The following NUDT16L1 variants were observed in gnomAD, a reference collection of about 807,000 sequenced individuals.
NUDT16L1 encodes nudix hydrolase 16 like 1.
Under a neutral mutation model 17.3 loss-of-function variants are expected in NUDT16L1, and 19 were observed. That is an observed-to-expected ratio of 1.10 (90% CI 0.77 to 1.61). NUDT16L1 has a LOEUF of 1.61. NUDT16L1 is among the 40% of genes most tolerant of loss of function. The pLI is 0.00. For missense variants in NUDT16L1, 341 were observed against 292.0 expected (o/e 1.17, Z -1.22); for synonymous variants, 255 against 138.6 (o/e 1.84, Z -5.90).
chr16:4,695,609 T>C (rs2079524537), exon 3 of NUDT16L1: 2 of 427,728 alleles, frequency 4.7e-6, no homozygotes, highest in Non-Finnish European at 8.2e-6. Flanking sequence ...CTGAGCCAGT[T>C]CAGGGCCTGG....
chr16:4,693,714 G>A lies in NUDT16L1; in HGVS notation c.-13G>A, dbSNP rs368938176. The A allele has an allele frequency of 5.3e-6, 8 of 1,498,406 alleles. No homozygotes were observed. In the Admixed American group the frequency reaches 1.3e-4, roughly 25 times the overall value. 92.8% of individuals were successfully genotyped at this position (1,498,406 alleles called of 1,614,324 possible). ...TCTTAAGTGGCAGCGGCGGGGACGG[G>A]GTCAGTGCCAAGATGTCGACGGCGG... On this transcript the variant is annotated 5_prime_UTR_variant, in exon 1 of 3. Transcript: ENST00000304301.
chr16:4,695,722 T>G (rs911508345), exon 3 of NUDT16L1: 1 of 400,046 alleles, frequency 2.5e-6, no homozygotes, highest in African/African-American at 2.1e-5. Context: ...GAACTGTGGG[T>G]GAGGTTTCAA....
exon 1 of NUDT16L1, chr16:4,693,759 G>A (rs757999364): frequency 1.2e-5 from 18 of 1,559,666 alleles, no homozygotes; most frequent in Middle Eastern, 1.7e-4. Context: ...AGCTGAAGCA[G>A]ATCAGCCGGG....
chr16:4,694,210 C>G lies in NUDT16L1; in HGVS notation c.386C>G (p.Ala129Gly). 4 of 1,535,700 alleles carry G rather than the reference C, an allele frequency of 2.6e-6. No homozygotes were observed. The highest frequency in any genetic ancestry group is 3.5e-6 in the Non-Finnish European group (4 of 1,148,996). The change falls in exon 2 of 3, where the codon GCG (alanine) becomes GGG (glycine). Residue 129 changes from alanine to glycine, a missense_variant. Physicochemically the swap from Ala to Gly is moderately conservative, Grantham distance 60 (BLOSUM62 0). Transcript: ENST00000304301. ...CAGCTGCACGCCGTGGAGATCAGCGCGGTGCACTCGCGCGACCACGGCCTG... is the reference window on the plus strand; with the variant it reads ...CAGCTGCACGCCGTGGAGATCAGCGGGGTGCACTCGCGCGACCACGGCCTG...
intron 2 of NUDT16L1, chr16:4,694,523 G>A (rs1447189606): frequency 2.0e-6 from 3 of 1,485,050 alleles, no homozygotes; most frequent in Admixed American, 4.8e-5. Flanking sequence ...TGGGGAGGAA[G>A]GGATGGGGGA....
At chr16:4,694,489 C>T in intron 2 of NUDT16L1, 3 of 1,507,328 alleles carry the variant, frequency 2.0e-6, no homozygotes, top group Non-Finnish European at 2.6e-6. Context: ...ATTGCCAATC[C>T]TGGGAGTGGG....
exon 3 of NUDT16L1, chr16:4,695,214 CG>C: frequency 1.3e-6 from 2 of 1,595,424 alleles, no homozygotes; most frequent in South Asian, 1.1e-5. Context: ...TCCCCTGGGC[CG>C]GAAGACTGGG....
chr16:4,694,055 C>T, exon 2 of NUDT16L1: 6 of 1,588,050 alleles, frequency 3.8e-6, no homozygotes, highest in Non-Finnish European at 5.1e-6. Flanking sequence ...TGGAGGACGG[C>T]CTGAACCGGG....
At position 4,694,673 on chromosome 16, in the gene NUDT16L1, C is replaced by T. The variant is rs1317721410; in HGVS notation, c.415-285C>T. On this transcript the variant is annotated intron_variant, in intron 2 of 2. Transcript: ENST00000304301. Reference sequence around the variant, plus strand: ...GGCTGGACTGCGGGTGTTCAGGCTTCGTTGGGTGGACGGGGGGAGCATGGG... The same window carrying T: ...GGCTGGACTGCGGGTGTTCAGGCTTTGTTGGGTGGACGGGGGGAGCATGGG... The T allele has an allele frequency of 4.7e-6, 6 of 1,274,580 alleles. No homozygotes were observed. The East Asian group carries it at 1.8e-4, about 37-fold the overall frequency. The allele number at this position is 1,274,580 out of a possible 1,614,324, so 79.0% of individuals were successfully genotyped here. A position where few individuals can be genotyped will look rare whatever the true frequency, so the allele number is the denominator to read the frequency against.
chr16:4,694,232 C>A, exon 2 of NUDT16L1: 1 of 1,489,014 alleles, frequency 6.7e-7, no homozygotes, highest in Admixed American at 2.3e-5. Flanking sequence ...GCGACCACGG[C>A]CTGGAGGTGG....
rs775398215 is a variant in NUDT16L1, at chr16:4,694,815, T to C, written c.415-143T>C. ...TGCTCCGAGGGAGCTGGCTGGCTTC[T>C]GCCAGGCCCTGCGTGGGTCTCCCAT... On this transcript the variant is annotated intron_variant, in intron 2 of 2. Coordinates refer to ENST00000304301, the Ensembl canonical transcript of NUDT16L1. 177 of 1,447,438 alleles carry C rather than the reference T, an allele frequency of 1.2e-4. 1 individual carries two copies. Among genetic ancestry groups the C allele is most frequent in the Non-Finnish European group, 1.5e-4 (170 of 1,105,668 alleles). 89.7% of individuals were successfully genotyped at this position (1,447,438 alleles called of 1,614,324 possible). A position where few individuals can be genotyped will look rare whatever the true frequency, so the allele number is the denominator to read the frequency against.
intron 2 of NUDT16L1, 22 bp from the exon 3 acceptor site, chr16:4,694,935 AC>A: frequency 6.3e-7 from 1 of 1,592,170 alleles, no homozygotes; most frequent in Non-Finnish European, 8.5e-7. Flanking sequence ...CCTGGCCCCA[AC>A]CCCTACCTCC....
chr16:4,694,478 C>T (rs1320027702), intron 2 of NUDT16L1: 9 of 1,522,890 alleles, frequency 5.9e-6, no homozygotes, highest in South Asian at 3.6e-5. Context: ...TGCTGCCTGC[C>T]ATTGCCAATC....
chr16:4,694,861 C>A, intron 2 of NUDT16L1, 97 bp from the exon 3 acceptor site: 5 of 1,485,164 alleles, frequency 3.4e-6, no homozygotes, highest in Non-Finnish European at 4.5e-6. Flanking sequence ...GCAAAGCTGG[C>A]TGCTCATACC....
At chr16:4,693,866 G>A (rs1402547832) in exon 1 of NUDT16L1, 1 of 1,547,644 alleles carries the variant, frequency 6.5e-7, no homozygotes. Context: ...ATCCCCATGC[G>A]CTTCTCGGTG....
At chr16:4,695,252 G>A (rs758995719) in exon 3 of NUDT16L1, 115 of 1,466,342 alleles carry the variant, frequency 7.8e-5, no homozygotes, top group Non-Finnish European at 1.1e-4. Flanking sequence ...GGCTTCTAGA[G>A]TGTTTGTGTG....
exon 3 of NUDT16L1, chr16:4,695,345 G>A: frequency 1.4e-6 from 1 of 708,618 alleles, no homozygotes; most frequent in East Asian, 2.7e-5. Context: ...TGGCGGCCGG[G>A]CCAGCTGGAA....
chr16:4,694,846 C>T (rs1244960101), intron 2 of NUDT16L1, 112 bp from the exon 3 acceptor site: 6 of 1,475,992 alleles, frequency 4.1e-6, no homozygotes, highest in Non-Finnish European at 4.5e-6. Flanking sequence ...CCCATTAAGT[C>T]CTTGGCAAAG....
chr16:4,694,500 G>A lies in NUDT16L1; in HGVS notation c.414+262G>A, dbSNP rs1178900586. 30 of 1,517,940 alleles carry A rather than the reference G, an allele frequency of 2.0e-5. No homozygotes were observed. In the South Asian group the frequency reaches 2.3e-4, roughly 12 times the overall value. 94.0% of individuals were successfully genotyped at this position (1,517,940 alleles called of 1,614,324 possible). A position where few individuals can be genotyped will look rare whatever the true frequency, so the allele number is the denominator to read the frequency against. ...TGCCATTGCCAATCCTGGGAGTGGGGGAGTGGGATCGGTGGGGAGGAAGGG... is the reference window on the plus strand; with the variant it reads ...TGCCATTGCCAATCCTGGGAGTGGGAGAGTGGGATCGGTGGGGAGGAAGGG... On this transcript the variant is annotated intron_variant, in intron 2 of 2. Coordinates refer to ENST00000304301, the Ensembl canonical transcript of NUDT16L1.
Sources: gnomAD v4.1 joint callset for allele counts on GRCh38, gnomAD v4.1.1 for gene constraint, MANE v1.5 for transcripts, NCBI Gene and HGNC (gene_info 2026-07-23, HGNC 2026-07-21) for gene names.